The following PDE11A variants were observed in gnomAD, a reference collection of about 807,000 sequenced individuals.
PDE11A encodes dual 3',5'-cyclic-AMP and -GMP phosphodiesterase 11A.
A neutral mutation model predicts 100.5 loss-of-function variants in PDE11A; 100 were observed. The observed-to-expected ratio is 1.00, with a 90% CI of 0.85 to 1.18. The LOEUF is 1.18. PDE11A is among the 50% of genes most tolerant of loss of function. The pLI is 0.00. For synonymous variants in PDE11A, 381 were observed against 420.8 expected, an observed-to-expected ratio of 0.91 and a Z score of 1.16; for missense variants, 1,141 against 1,152.6, an observed-to-expected ratio of 0.99 and a Z score of 0.15.
chr2:177,655,614 C>G (rs1318715109), intron 19 of PDE11A, among the ~76,000 whole-genome samples: 1 of 152,102 alleles, frequency 6.6e-6, no homozygotes, highest in African/African-American at 2.4e-5. Flanking sequence ...TCATAGCTCA[C>G]TTCAGCCTCG....
At chr2:177,766,254 G>A (rs1181722367) in intron 10 of PDE11A, among the ~76,000 whole-genome samples, 2 of 152,206 alleles carry the variant, frequency 1.3e-5, no homozygotes, top group African/African-American at 4.8e-5. Context: ...CACATGTGCA[G>A]TTCACAATAG....
At chr2:178,042,714 C>T (rs185849702) in intron 1 of PDE11A, among the ~76,000 whole-genome samples, 1 of 152,272 alleles carries the variant, frequency 6.6e-6, no homozygotes, top group African/African-American at 2.4e-5. Context: ...TTTTAAGTAA[C>T]ATTCAGAATA....
intron 6 of PDE11A, among the ~76,000 whole-genome samples, chr2:177,832,812 C>G (rs569308139): frequency 6.6e-6 from 1 of 152,236 alleles, no homozygotes; most frequent in South Asian, 2.1e-4. Context: ...TGTGTGCTCC[C>G]CTTCCAAGCG....
chr2:177,783,590 T>C (rs533005850), intron 9 of PDE11A, among the ~76,000 whole-genome samples: 1 of 152,312 alleles, frequency 6.6e-6, no homozygotes, highest in South Asian at 2.1e-4. Flanking sequence ...GCAAGAAAAA[T>C]GAGTCAGATT....
intron 2 of PDE11A, among the ~76,000 whole-genome samples, chr2:178,005,939 G>A (rs547904991): frequency 1.3e-5 from 2 of 152,080 alleles, no homozygotes; most frequent in Non-Finnish European, 2.9e-5. Context: ...GTAACTCTTA[G>A]AAACATAAAA....
chr2:177,768,346 T>C (rs1489424078), intron 10 of PDE11A, among the ~76,000 whole-genome samples: 1 of 152,204 alleles, frequency 6.6e-6, no homozygotes, highest in African/African-American at 2.4e-5. Context: ...ATTCAATTCT[T>C]AGGCCCAATG....
intron 10 of PDE11A, among the ~76,000 whole-genome samples, chr2:177,740,048 C>T (rs1257535283): frequency 2.0e-5 from 3 of 152,162 alleles, no homozygotes; most frequent in Admixed American, 6.5e-5. Flanking sequence ...GTACACACTT[C>T]GTTTTTAATC....
chr2:178,099,625 T>C (rs2087537420), intron 2 of PDE11A, among the ~76,000 whole-genome samples: 1 of 152,114 alleles, frequency 6.6e-6, no homozygotes, highest in Non-Finnish European at 1.5e-5. Flanking sequence ...TTGGAGAAAT[T>C]AGAACCCTTG....
intron 10 of PDE11A, among the ~76,000 whole-genome samples, chr2:177,754,362 AC>A (rs2082063850): frequency 6.6e-6 from 1 of 152,116 alleles, no homozygotes; most frequent in Non-Finnish European, 1.5e-5. Flanking sequence ...AAAACAAAAA[AC>A]AAAAAACAAA....
intron 2 of PDE11A, among the ~76,000 whole-genome samples, chr2:177,909,283 T>A (rs1208039567): frequency 6.6e-6 from 1 of 152,146 alleles, no homozygotes; most frequent in Non-Finnish European, 1.5e-5. Context: ...TTGTTTTGTG[T>A]ACTCCAATTT....
In PDE11A at chr2:177,631,480, C is replaced by CA. The variant is rs539411793; in HGVS notation, c.2647-1919dup. Among the ~76,000 whole-genome samples, 4 of 8,180 alleles carry CA rather than the reference C, an allele frequency of 4.9e-4. 1 individual carries two copies. The highest frequency in any genetic ancestry group is 3.8e-4 in the Non-Finnish European group (2 of 5,294). 5.4% of individuals were successfully genotyped at this position (8,180 alleles called of 152,430 possible). On this transcript the variant is annotated intron_variant, in intron 19 of 19. Coordinates refer to ENST00000286063, the MANE Select transcript of PDE11A (RefSeq NM_016953.4). Reference sequence around the variant, plus strand: ...TGGGCAACAGAGTGAGACTCTATCTCAAAAAAAAAAAAAAAAAAAAAAAAA... The same window carrying CA: ...TGGGCAACAGAGTGAGACTCTATCTCAAAAAAAAAAAAAAAAAAAAAAAAAA...
intron 12 of PDE11A, among the ~76,000 whole-genome samples, chr2:177,717,366 T>C (rs538910253): frequency 6.6e-6 from 1 of 151,230 alleles, no homozygotes; most frequent in Non-Finnish European, 1.5e-5. Context: ...TGATATTGAG[T>C]AGAAAAAGTC....
chr2:178,054,985 TC>T (rs1007636188), intron 1 of PDE11A, among the ~76,000 whole-genome samples: 1 of 152,144 alleles, frequency 6.6e-6, no homozygotes. Flanking sequence ...TGACCCAACA[TC>T]CCATTACTGA....
chr2:177,731,630 G>A (rs2081692679), intron 10 of PDE11A, among the ~76,000 whole-genome samples: 1 of 152,116 alleles, frequency 6.6e-6, no homozygotes, highest in Admixed American at 6.6e-5. Context: ...TAGTCTTTAT[G>A]GAGTGGGGGA....
intron 1 of PDE11A, among the ~76,000 whole-genome samples, chr2:178,014,735 G>A (rs999899621): frequency 7.9e-5 from 12 of 152,102 alleles, no homozygotes; most frequent in African/African-American, 1.9e-4. Context: ...TAAGGAAAGC[G>A]ATTTATGTGA....
chr2:177,954,795 G>A (rs1312912804), intron 2 of PDE11A, among the ~76,000 whole-genome samples: 1 of 152,124 alleles, frequency 6.6e-6, no homozygotes, highest in African/African-American at 2.4e-5. Flanking sequence ...CCACCCCCAG[G>A]GGATCTGAGA....
chr2:177,841,917 T>C (rs959708288), intron 5 of PDE11A, among the ~76,000 whole-genome samples: 1 of 152,268 alleles, frequency 6.6e-6, no homozygotes, highest in Admixed American at 6.5e-5. Flanking sequence ...AGTTTTTATT[T>C]TCTTTTTGCT....
At chr2:178,023,757 T>C (rs1307899358) in intron 1 of PDE11A, among the ~76,000 whole-genome samples, 1 of 152,222 alleles carries the variant, frequency 6.6e-6, no homozygotes, top group East Asian at 1.9e-4. Context: ...CATAACACTT[T>C]CAAATGACCT....
chr2:177,791,025 T>A (rs1267855194), intron 9 of PDE11A, among the ~76,000 whole-genome samples: 1 of 152,154 alleles, frequency 6.6e-6, no homozygotes, highest in Non-Finnish European at 1.5e-5. Context: ...GACCCAGCCA[T>A]CCCATTACTG....
Sources: gnomAD v4.1 joint callset for allele counts (sites outside exome capture counted in the v4.1 genomes callset) on GRCh38, gnomAD v4.1.1 for gene constraint, MANE v1.5 for transcripts, NCBI Gene and HGNC (gene_info 2026-07-23, HGNC 2026-07-21) for gene names.